Variants in TANGO2 observed in about 807,000 individuals in gnomAD.
TANGO2 encodes transport and golgi organization 2 homolog.
TANGO2 carries 26 observed loss-of-function variants against 39.1 expected under a neutral mutation model. That is an observed-to-expected ratio of 0.67 (90% CI 0.49 to 0.92). TANGO2 has a LOEUF of 0.92. Among genes scored for constraint, TANGO2 ranks in the 40% least tolerant of loss-of-function variants. The probability of loss-of-function intolerance (pLI) is 0.00; values close to 1 mark genes in which losing one functional copy is unlikely to be tolerated. For missense variants in TANGO2, 326 were observed against 360.1 expected (o/e 0.91, Z 0.77); for synonymous variants, 131 against 144.5 (o/e 0.91, Z 0.67).
chr22:20,031,168 A>T (rs922626819), intron 1 of TANGO2, among the ~76,000 whole-genome samples: 16 of 151,256 alleles, frequency 1.1e-4, no homozygotes, highest in Non-Finnish European at 1.6e-4. Flanking sequence ...GCTGCACTCC[A>T]GCCTAGGTGA....
rs2047590359 is a variant in TANGO2 at position 20,057,508 on chromosome 22, T to G, written c.451+1495T>G. ...TTCCGGCCACCCTCTGTGACCCTGG[T>G]CTTCCCCTCCCTACCTTGGATACAA... On this transcript the variant is annotated intron_variant, in intron 6 of 8. Transcript: ENST00000327374. This position sits in a 1 kb window ranked among gnomAD's most constrained non-coding sequence, Gnocchi z 4.1. Among the ~76,000 whole-genome samples, 1 of 152,198 alleles carries G rather than the reference T, an allele frequency of 6.6e-6. No individual in the cohort carries two copies. The highest frequency in any genetic ancestry group is 1.5e-5 in the Non-Finnish European group (1 of 68,028).
intron 3 of TANGO2, 28 bp downstream of exon 3, chr22:20,043,471 G>GC: frequency 6.5e-7 from 1 of 1,540,134 alleles, no homozygotes; most frequent in South Asian, 1.1e-5. Context: ...CTCAGCGGTG[G>GC]CTGCGCCTTG....
intron 3 of TANGO2, among the ~76,000 whole-genome samples, chr22:20,047,223 G>A (rs1034231753): frequency 1.3e-5 from 2 of 149,142 alleles, no homozygotes; most frequent in Non-Finnish European, 3.0e-5. Context: ...TCAGTTTTTT[G>A]GTTTGTTTGT....
chr22:20,020,268 C>T (rs1228958674), upstream of TANGO2, among the ~76,000 whole-genome samples: 1 of 152,230 alleles, frequency 6.6e-6, no homozygotes, highest in Non-Finnish European at 1.5e-5. Flanking sequence ...TCATCCATGT[C>T]ATAGTTTTTT....
intron 4 of TANGO2, 83 bp from the exon 5 acceptor site, chr22:20,053,353 TC>T: frequency 1.1e-6 from 1 of 916,286 alleles, no homozygotes; most frequent in Non-Finnish European, 1.8e-6. Flanking sequence ...TCCTGCATCC[TC>T]CCCAGGGGGC....
In TANGO2 at chr22:20,061,613, G is replaced by A; in HGVS notation, c.535G>A (p.Glu179Lys). Residue 179 changes from glutamate to lysine, a missense_variant, in exon 7 of 9, where the codon GAA becomes AAA. Transcript: ENST00000327374. Reference sequence around the variant, plus strand: ...GAAGCAGCTCTTCCTGGAGGCTGTGGAACGGAGCCAGGCGCTGCCCAAGGA... The same window carrying A: ...GAAGCAGCTCTTCCTGGAGGCTGTGAAACGGAGCCAGGCGCTGCCCAAGGA... ...FGKQLFLEAVERSQALPKDVL... is the reference protein window; with the variant it reads ...FGKQLFLEAVKRSQALPKDVL... 6.3e-7 allele frequency: 1 copy of A among 1,583,784 alleles called. No homozygotes were observed.
chr22:20,043,312 C>T, intron 2 of TANGO2, 43 bp from the exon 3 acceptor site: 1 of 1,448,948 alleles, frequency 6.9e-7, no homozygotes, highest in Non-Finnish European at 9.7e-7. Flanking sequence ...ACTTGGCTCG[C>T]TCGTTTCCAT....
intron 2 of TANGO2, among the ~76,000 whole-genome samples, chr22:20,040,997 G>A (rs898016871): frequency 1.3e-5 from 2 of 152,184 alleles, no homozygotes; most frequent in African/African-American, 4.8e-5. Flanking sequence ...GACCCCAAGG[G>A]CTCTAGGGCA....
chr22:20,063,520 GTGC>G (rs2048766618), intron 8 of TANGO2, 78 bp downstream of exon 8: 1 of 1,299,970 alleles, frequency 7.7e-7, no homozygotes, highest in African/African-American at 1.5e-5. Context: ...AAGAAGCCAA[GTGC>G]CCATAGCCAG....
At position 20,037,217 on chromosome 22, in the gene TANGO2, C is replaced by A. The variant is rs2043020830; in HGVS notation, c.56+363C>A. ...AGAGCCAGCTTGGGCTGGCGGGTCA[C>A]AGCTGCTGGTGAGAAGTCAAAGTGG... is the stretch of plus-strand genomic sequence containing the variant. On this transcript the variant is annotated intron_variant, in intron 2 of 8. Coordinates refer to ENST00000327374, the MANE Select transcript of TANGO2 (RefSeq NM_152906.7). 3.5e-6 allele frequency: 4 copies of A among 1,158,660 alleles called. No homozygotes were observed. The Admixed American group carries it at 8.2e-5, about 24-fold the overall frequency. 71.8% of individuals were successfully genotyped at this position (1,158,660 alleles called of 1,614,324 possible). A position where few individuals can be genotyped will look rare whatever the true frequency, so the allele number is the denominator to read the frequency against.
At position 20,026,137 on chromosome 22, in the gene TANGO2, C is replaced by T. The variant is rs189090601; in HGVS notation, c.-40+4891C>T. Among the ~76,000 whole-genome samples, 13 of 152,328 alleles carry T rather than the reference C, an allele frequency of 8.5e-5. No individual in the cohort carries two copies. The East Asian group carries it at 2.1e-3, about 25-fold the overall frequency. ...CACCAAGGCTGGGCGGGGTGGCTCACGCCTATAATCCCAGCATTTTGGGAG... is the reference window on the plus strand; with the variant it reads ...CACCAAGGCTGGGCGGGGTGGCTCATGCCTATAATCCCAGCATTTTGGGAG... On this transcript the variant is annotated intron_variant, in intron 1 of 8. Transcript: ENST00000327374.
chr22:20,056,410 C>G (rs1039622529), intron 6 of TANGO2: 1 of 472,652 alleles, frequency 2.1e-6, no homozygotes, highest in African/African-American at 2.0e-5. Flanking sequence ...AAGTACACAC[C>G]CCACTCAAGC....
chr22:20,022,726 G>A (rs935505549), intron 1 of TANGO2, among the ~76,000 whole-genome samples: 1 of 152,322 alleles, frequency 6.6e-6, no homozygotes, highest in Middle Eastern at 3.4e-3. Context: ...AGGGCACCCC[G>A]GTGCCCACCC....
chr22:20,026,149 C>T (rs1041731256), intron 1 of TANGO2, among the ~76,000 whole-genome samples: 1 of 152,248 alleles, frequency 6.6e-6, no homozygotes, highest in African/African-American at 2.4e-5. Context: ...CCTATAATCC[C>T]AGCATTTTGG....
chr22:20,030,599 C>A (rs1362149762), intron 1 of TANGO2, among the ~76,000 whole-genome samples: 3 of 151,690 alleles, frequency 2.0e-5, no homozygotes, highest in Admixed American at 2.0e-4. Flanking sequence ...CCCACCTTGG[C>A]CTCCCAAAGT....
chr22:20,063,219 C>A (rs182655217), intron 7 of TANGO2, 119 bp from the exon 8 acceptor site: 4 of 707,876 alleles, frequency 5.7e-6, no homozygotes, highest in South Asian at 3.5e-5. Flanking sequence ...AAGAAACAAC[C>A]CTTGCAGTTC....
At chr22:20,035,440 A>C (rs1002288950) in intron 1 of TANGO2, among the ~76,000 whole-genome samples, 4 of 152,220 alleles carry the variant, frequency 2.6e-5, no homozygotes, top group Non-Finnish European at 5.9e-5. Flanking sequence ...CGTGTCACTA[A>C]ATCATTGCAC....
intron 2 of TANGO2, among the ~76,000 whole-genome samples, chr22:20,041,578 C>T (rs751622531): frequency 1.3e-5 from 2 of 152,120 alleles, no homozygotes; most frequent in Non-Finnish European, 2.9e-5. Flanking sequence ...TCTCAAAGTG[C>T]TGGGATTACA....
At chr22:20,038,598 T>C (rs570979884) in intron 2 of TANGO2, among the ~76,000 whole-genome samples, 2 of 152,238 alleles carry the variant, frequency 1.3e-5, no homozygotes, top group Non-Finnish European at 2.9e-5. Context: ...GCCATTCCAG[T>C]TGGCCTCGGG....
Sources: allele counts gnomAD v4.1 joint callset (sites outside exome capture counted in the v4.1 genomes callset), GRCh38; gene constraint gnomAD v4.1.1; non-coding constraint Gnocchi (gnomAD v3.1); transcripts MANE v1.5; gene names NCBI Gene and HGNC (gene_info 2026-07-23, HGNC 2026-07-21).